UMOD: variants seen among roughly 807,000 people sequenced by gnomAD.
The protein encoded by UMOD is uromodulin.
UMOD carries 64 observed loss-of-function variants against 66.0 expected under a neutral mutation model. The ratio of observed to expected loss-of-function variants is 0.97; its 90% CI spans 0.79 to 1.19. UMOD has a LOEUF of 1.19. UMOD is among the 50% of genes most tolerant of loss of function. The probability of loss-of-function intolerance (pLI) is 0.00; values close to 1 mark genes in which losing one functional copy is unlikely to be tolerated. For synonymous variants in UMOD, 398 were observed against 352.7 expected (o/e 1.13, Z -1.44); for missense variants, 764 against 850.9 (o/e 0.90, Z 1.27).
At chr16:20,350,893 C>A in intron 1 of UMOD, 54 bp from the exon 2 acceptor site, 2 of 1,489,986 alleles carry the variant, frequency 1.3e-6, no homozygotes, top group South Asian at 1.3e-5. Context: ...CTCCCCACAG[C>A]TGGAAGGAGT....
intron 7 of UMOD, 29 bp downstream of exon 7, chr16:20,341,062 G>A: frequency 6.2e-7 from 1 of 1,603,570 alleles, no homozygotes; most frequent in South Asian, 1.1e-5. Flanking sequence ...TTCTACCCAT[G>A]AGTTCCCATG....
chr16:20,333,515 CCTT>C (rs1249618011), intron 10 of UMOD, 140 bp from the exon 11 acceptor site: 10 of 773,996 alleles, frequency 1.3e-5, no homozygotes, highest in Non-Finnish European at 2.2e-5. Context: ...GAAGCTTCCT[CCTT>C]ATCTGCCCTG....
intron 1 of UMOD, 160 bp from the exon 2 acceptor site, chr16:20,350,999 C>A (rs1272092437): frequency 1.7e-6 from 1 of 584,982 alleles, no homozygotes. Context: ...GGACTTTACC[C>A]CTTGTACTCC....
intron 6 of UMOD, 34 bp from the exon 7 acceptor site, chr16:20,341,370 G>T (rs1965209374): frequency 6.2e-7 from 1 of 1,610,022 alleles, no homozygotes; most frequent in Admixed American, 1.7e-5. Context: ...AGAGGACCGG[G>T]CTGAGAACAT....
intron 1 of UMOD, among the ~76,000 whole-genome samples, chr16:20,352,390 G>A (rs900164025): frequency 1.2e-4 from 19 of 152,194 alleles, no homozygotes; most frequent in African/African-American, 4.1e-4. Flanking sequence ...GACATATGTC[G>A]AGCAGGGCCC....
chr16:20,340,474 A>G (rs200680486), intron 7 of UMOD, among the ~76,000 whole-genome samples: 3,498 of 50,498 alleles, frequency 0.069, 63 homozygotes, highest in Middle Eastern at 0.13. Flanking sequence ...GTGTGTGTGT[A>G]TATATATATA....
At chr16:20,349,855 A>C in intron 2 of UMOD, 1 of 1,546,344 alleles carries the variant, frequency 6.5e-7, no homozygotes, top group Non-Finnish European at 8.7e-7. Flanking sequence ...CTGGCTGGGC[A>C]GTTGTACTTT....
intron 1 of UMOD, chr16:20,351,350 T>A (rs554563180): frequency 1.5e-3 from 265 of 171,720 alleles, no homozygotes; most frequent in African/African-American, 5.9e-3. Flanking sequence ...GAGAGGTAAT[T>A]AACCTTCACA....
chr16:20,336,586 C>T, intron 9 of UMOD, 60 bp downstream of exon 9: 1 of 1,539,102 alleles, frequency 6.5e-7, no homozygotes. Context: ...TCTGTTATCC[C>T]TCTTCCTCTC....
In UMOD at chr16:20,345,402, TTCTTTC is replaced by T. The variant is rs1462972813; in HGVS notation, c.1182+718_1182+723del. 3.0e-4 allele frequency among the ~76,000 whole-genome samples: 31 copies of T among 104,184 alleles called. 1 individual carries two copies. The highest frequency in any genetic ancestry group is 1.8e-3 in the African/African-American group (30 of 16,510). 68.3% of individuals were successfully genotyped at this position (104,184 alleles called of 152,430 possible). On this transcript the variant is annotated intron_variant, in intron 5 of 10. Transcript: ENST00000396138. ...CTTCCTTCCTTTCTTTTCTTTTTTT[TTCTTTC>T]TTTCTTTCTTTCTTTCTTTCTCTTT...
intron 10 of UMOD, among the ~76,000 whole-genome samples, chr16:20,334,922 C>T (rs534864810): frequency 1.3e-5 from 2 of 151,722 alleles, no homozygotes; most frequent in Non-Finnish European, 1.5e-5. Context: ...ACCTCTGCCC[C>T]CCGTGGTTCA....
chr16:20,336,739 G>A lies in UMOD; in HGVS notation c.1741-12C>T, dbSNP rs975201667. 13 of 1,613,252 alleles carry A rather than the reference G, an allele frequency of 8.1e-6. No homozygotes were observed. The highest frequency in any genetic ancestry group is 2.2e-5 in the South Asian group (2 of 91,036). ...GTCCCAGAGCAGGTCTACAGGGAGA[G>A]GGCAATAGAAAAACACCCTCCATGA... On this transcript the variant is annotated splice_polypyrimidine_tract_variant and intron_variant, in intron 8 of 10. Coordinates refer to ENST00000396138, the MANE Select transcript of UMOD (RefSeq NM_003361.4).
Position 20,335,470 on chromosome 16 carries a change from A to T in UMOD, c.1861+12T>A, listed in dbSNP as rs1596537862. The stretch of plus-strand genomic sequence containing the variant: ...TGGAACAGGTCCCACTGCAGAAAGG[A>T]CCTGAACTTACCCAAGCTGCTAAAA... On this transcript the variant is annotated intron_variant, in intron 10 of 10. Transcript: ENST00000396138. 6.2e-7 allele frequency: 1 copy of T among 1,614,016 alleles called. No individual in the cohort carries two copies. The highest frequency in any genetic ancestry group is 8.5e-7 in the Non-Finnish European group (1 of 1,179,916).
chr16:20,354,823 T>G (rs150670714), upstream of UMOD, among the ~76,000 whole-genome samples: 2 of 152,292 alleles, frequency 1.3e-5, no homozygotes, highest in African/African-American at 4.8e-5. Flanking sequence ...CAAAAACGAC[T>G]TATCTGTGAA....
chr16:20,348,934 G>C lies in UMOD; in HGVS notation c.367C>G (p.Leu123Val). The stretch of plus-strand genomic sequence containing the variant: ...CCCACCACATTGACACATGTGGCCA[G>C]GGCGTGGCAGTGGCTAAGCCCAGGC... ...AEPGLSHCHALATCVNVVGSY... is the reference protein window; with the variant it reads ...AEPGLSHCHAVATCVNVVGSY... The change falls in exon 3 of 11, where the codon CTG becomes GTG. Residue 123 changes from leucine (L) to valine (V), a missense_variant. Transcript: ENST00000396138. 1 of 1,571,252 alleles carries C rather than the reference G, an allele frequency of 6.4e-7. No homozygotes were observed. The highest frequency in any genetic ancestry group is 8.6e-7 in the Non-Finnish European group (1 of 1,158,468).
In UMOD at chr16:20,348,283, C is replaced by T. The variant is rs770919682; in HGVS notation, c.913G>A (p.Asp305Asn). The T allele has an allele frequency of 1.2e-6, 2 of 1,614,234 alleles. No homozygotes were observed. The highest frequency in any genetic ancestry group is 1.7e-6 in the Non-Finnish European group (2 of 1,180,048). The change falls in exon 4 of 11, where the codon GAC (aspartate) becomes AAC (asparagine). Residue 305 changes from aspartate (D) to asparagine (N), a missense_variant. By Grantham distance (23) the Asp-to-Asn change is conservative. Coordinates refer to ENST00000396138, the MANE Select transcript of UMOD (RefSeq NM_003361.4). The stretch of plus-strand genomic sequence containing the variant: ...CATCTGCCATTATTCGATTTGCAGT[C>T]CTCGTCTATACTGCACTCCTCACAC... ...GTCEECSIDE[D>N]CKSNNGRWHC...
chr16:20,348,885 G>C lies in UMOD; in HGVS notation c.416C>G (p.Ala139Gly), dbSNP rs759481702. Residue 139 changes from alanine (A) to glycine (G), a missense_variant, in exon 3 of 11, where the codon GCG (alanine) becomes GGG (glycine). Coordinates refer to ENST00000396138, the MANE Select transcript of UMOD (RefSeq NM_003361.4). ...VVGSYLCVCPAGYRGDGWHCE... is the reference protein window; with the variant it reads ...VVGSYLCVCPGGYRGDGWHCE... The stretch of plus-strand genomic sequence containing the variant: ...GTGCCATCCATCCCCCCGGTAGCCC[G>C]CGGGGCATACGCACAAGTAGCTGCC... The C allele has an allele frequency of 1.3e-6, 2 of 1,552,510 alleles. No individual in the cohort carries two copies. Among genetic ancestry groups the C allele is most frequent in the East Asian group, 2.4e-5 (1 of 41,250 alleles).
chr16:20,344,688 T>G (rs565000158), intron 5 of UMOD, among the ~76,000 whole-genome samples: 1 of 71,538 alleles, frequency 1.4e-5, no homozygotes. Context: ...CTTTATAAAT[T>G]AGAAAAAAAA....
chr16:20,348,649 C>A lies in UMOD; in HGVS notation c.652G>T (p.Val218Leu). ...QGGARMAETC[V>L]PVLRCNTAAP... is the part of the protein sequence containing the mutation. ...GCCGTGTTGCAGCGCAGGACTGGCA[C>A]GCAGGTCTCGGCCATGCGCGCACCG... The change falls in exon 3 of 11, where the codon GTG (valine) becomes TTG (leucine). Residue 218 changes from valine to leucine, a missense_variant. Coordinates refer to ENST00000396138, the MANE Select transcript of UMOD (RefSeq NM_003361.4). 1 of 1,567,276 alleles carries A rather than the reference C, an allele frequency of 6.4e-7. No individual in the cohort carries two copies. The highest frequency in any genetic ancestry group is 1.8e-5 in the Admixed American group (1 of 54,930).
Sources: gnomAD v4.1 joint callset for allele counts (sites outside exome capture counted in the v4.1 genomes callset) on GRCh38, gnomAD v4.1.1 for gene constraint, MANE v1.5 for transcripts, NCBI Gene and HGNC (gene_info 2026-07-23, HGNC 2026-07-21) for gene names.